Variants in SDK1 observed in about 807,000 individuals in gnomAD.
SDK1 encodes the protein protein sidekick-1.
Under a neutral mutation model 245.5 loss-of-function variants are expected in SDK1, and 157 were observed. The ratio of observed to expected loss-of-function variants is 0.64; its 90% CI spans 0.56 to 0.73. The LOEUF (loss-of-function observed/expected upper bound fraction) is 0.73, where lower values mean the gene tolerates loss of function less well. SDK1 is among the 30% of genes least tolerant of loss of function. SDK1 has a pLI of 0.00. For synonymous variants in SDK1, 1,647 were observed against 1,278.5 expected, an observed-to-expected ratio of 1.29 and a Z score of -6.15; for missense variants, 3,583 against 3,002.3, an observed-to-expected ratio of 1.19 and a Z score of -4.52.
intron 19 of SDK1, among the ~76,000 whole-genome samples, chr7:4,052,593 AC>A (rs1173330271): frequency 6.6e-6 from 1 of 152,206 alleles, no homozygotes; most frequent in African/African-American, 2.4e-5. Context: ...AGTATACAAA[AC>A]TATGAGATCC....
At chr7:3,573,363 G>C (rs543802580) in intron 1 of SDK1, among the ~76,000 whole-genome samples, 1 of 152,212 alleles carries the variant, frequency 6.6e-6, no homozygotes, top group South Asian at 2.1e-4. Flanking sequence ...GAGCCTCAGG[G>C]GGCTGAGCAG....
intron 4 of SDK1, among the ~76,000 whole-genome samples, chr7:3,659,946 A>G (rs778833012): frequency 1.1e-4 from 16 of 152,194 alleles, no homozygotes; most frequent in Non-Finnish European, 2.4e-4. Flanking sequence ...GGAATCTTTT[A>G]CAGAAATGAT....
At chr7:3,777,580 A>G (rs1039641107) in intron 4 of SDK1, among the ~76,000 whole-genome samples, 5 of 152,152 alleles carry the variant, frequency 3.3e-5, no homozygotes, top group Non-Finnish European at 7.3e-5. Context: ...CAGGCTTCTA[A>G]AGGACCTGAG....
chr7:4,113,444 G>T lies in SDK1; in HGVS notation c.3585+5G>T, dbSNP rs1403112841. The T allele has an allele frequency of 6.2e-7, 1 of 1,613,528 alleles. No individual in the cohort carries two copies. Among genetic ancestry groups the T allele is most frequent in the Non-Finnish European group, 8.5e-7 (1 of 1,179,964 alleles). On this transcript the variant is annotated splice_donor_5th_base_variant and intron_variant, in intron 24 of 44. Transcript: ENST00000404826. ...AGCCTGCGGCTTCGCTGGGTGGTGA[G>T]TGGGGGTGAGAAGGGAGGCTGGAGG...
intron 44 of SDK1, among the ~76,000 whole-genome samples, chr7:4,261,658 C>G (rs1435192529): frequency 6.6e-6 from 1 of 152,174 alleles, no homozygotes; most frequent in Non-Finnish European, 1.5e-5. Flanking sequence ...GGAGCCACTC[C>G]CAGGAATCTG....
chr7:3,311,017 T>A (rs967858042), intron 1 of SDK1, among the ~76,000 whole-genome samples: 2 of 152,142 alleles, frequency 1.3e-5, no homozygotes, highest in African/African-American at 4.8e-5. Flanking sequence ...ATTTATTCTT[T>A]TGTGTAGAGG....
chr7:3,938,293 A>G (rs958070334), intron 5 of SDK1, among the ~76,000 whole-genome samples: 1 of 152,050 alleles, frequency 6.6e-6, no homozygotes, highest in Non-Finnish European at 1.5e-5. Context: ...CAGTCTTTCT[A>G]TTGGTGATGG....
intron 1 of SDK1, among the ~76,000 whole-genome samples, chr7:3,487,123 T>C (rs944071971): frequency 1.1e-4 from 17 of 152,336 alleles, no homozygotes; most frequent in Admixed American, 4.6e-4. Flanking sequence ...AATAAAATTT[T>C]ATTTACAAAA....
intron 4 of SDK1, among the ~76,000 whole-genome samples, chr7:3,698,822 T>G (rs1466055749): frequency 6.6e-6 from 1 of 152,212 alleles, no homozygotes; most frequent in Non-Finnish European, 1.5e-5. Flanking sequence ...CCTGTGCTCA[T>G]AACCTCATCT....
chr7:4,263,469 A>AGGGAGTCCGCGTAGATCTCTCCTGAGTG (rs1788190823), intron 44 of SDK1, among the ~76,000 whole-genome samples: 1 of 99,166 alleles, frequency 1.0e-5, no homozygotes, highest in Non-Finnish European at 2.1e-5. Flanking sequence ...CTCTTGAGTG[A>AGGGAGTCCGCGTAGATCTCTCCTGAGTG]GGGAGTCCGC....
At chr7:3,796,778 T>G (rs1324604834) in intron 4 of SDK1, among the ~76,000 whole-genome samples, 1 of 152,230 alleles carries the variant, frequency 6.6e-6, no homozygotes, top group East Asian at 1.9e-4. Context: ...AATGAATGTG[T>G]TGTTTGCTGT....
At chr7:3,903,556 A>T (rs1291571797) in intron 5 of SDK1, among the ~76,000 whole-genome samples, 1 of 152,182 alleles carries the variant, frequency 6.6e-6, no homozygotes, top group Non-Finnish European at 1.5e-5. Context: ...TGTGGAAAAG[A>T]GTTTGGCATT....
chr7:3,677,639 G>A (rs1783948550), intron 4 of SDK1, among the ~76,000 whole-genome samples: 1 of 152,172 alleles, frequency 6.6e-6, no homozygotes, highest in South Asian at 2.1e-4. Flanking sequence ...GATTTGGGTA[G>A]GGACACAGCC....
intron 5 of SDK1, among the ~76,000 whole-genome samples, chr7:3,858,471 A>AC (rs151302336): frequency 0.067 from 10,178 of 152,096 alleles, 1,129 homozygotes; most frequent in African/African-American, 0.23. Flanking sequence ...ATACCCAGGA[A>AC]AAAAAAATCA....
chr7:4,020,526 A>G (rs918010472), intron 17 of SDK1, among the ~76,000 whole-genome samples: 1 of 152,188 alleles, frequency 6.6e-6, no homozygotes, highest in African/African-American at 2.4e-5. Context: ...GACGGGGGCA[A>G]TGCTTGCCTG....
At chr7:3,654,126 G>A (rs12674395) in intron 4 of SDK1, among the ~76,000 whole-genome samples, 2,409 of 152,236 alleles carry the variant, frequency 0.016, 29 homozygotes, top group Non-Finnish European at 0.026. Flanking sequence ...AGAATATGCT[G>A]GAGCCATGGG....
intron 5 of SDK1, among the ~76,000 whole-genome samples, chr7:3,935,359 C>G (rs1780119847): frequency 6.6e-6 from 1 of 152,148 alleles, no homozygotes; most frequent in African/African-American, 2.4e-5. Flanking sequence ...ATTGATAACA[C>G]TAAAAGCACA....
At chr7:4,102,875 G>A (rs758762971) in intron 22 of SDK1, among the ~76,000 whole-genome samples, 18 of 151,538 alleles carry the variant, frequency 1.2e-4, no homozygotes, top group African/African-American at 3.6e-4. Context: ...CGCCCCTACC[G>A]GGTGGCATTT....
chr7:3,850,050 T>C (rs1780379337), intron 5 of SDK1, among the ~76,000 whole-genome samples: 1 of 152,180 alleles, frequency 6.6e-6, no homozygotes, highest in South Asian at 2.1e-4. Flanking sequence ...GTAACATCAG[T>C]CAAAACTTGG....
Sources: gnomAD v4.1 joint callset for allele counts (sites outside exome capture counted in the v4.1 genomes callset) on GRCh38, gnomAD v4.1.1 for gene constraint, MANE v1.5 for transcripts, NCBI Gene and HGNC (gene_info 2026-07-23, HGNC 2026-07-21) for gene names.